The following PRKCI variants were observed in gnomAD, a reference collection of about 807,000 sequenced individuals.
The protein encoded by PRKCI is protein kinase C iota type.
A neutral mutation model predicts 84.0 loss-of-function variants in PRKCI; 43 were observed. The ratio of observed to expected loss-of-function variants is 0.51; its 90% CI spans 0.40 to 0.66. The LOEUF (loss-of-function observed/expected upper bound fraction) is 0.66. Ranked by LOEUF, PRKCI falls within the 30% of genes least tolerant of loss-of-function variation. The pLI is 0.00. For synonymous variants in PRKCI, 216 were observed against 234.4 expected (o/e 0.92, Z 0.72); for missense variants, 459 against 745.6 (o/e 0.62, Z 4.48).
At chr3:170,259,774 C>G (rs1577355125) in intron 2 of PRKCI, among the ~76,000 whole-genome samples, 195 bp from the exon 3 acceptor site, 3 of 152,048 alleles carry the variant, frequency 2.0e-5, no homozygotes, top group Admixed American at 6.6e-5. Flanking sequence ...CCACTGCACT[C>G]CAGCCTGGGT....
chr3:170,297,646 G>A (rs944346389), intron 16 of PRKCI, among the ~76,000 whole-genome samples: 6 of 150,676 alleles, frequency 4.0e-5, no homozygotes, highest in Non-Finnish European at 7.4e-5. Flanking sequence ...GAGATGGGGG[G>A]GGTTTCACAA....
chr3:170,286,311 A>G (rs575519954), intron 12 of PRKCI, among the ~76,000 whole-genome samples: 3 of 152,122 alleles, frequency 2.0e-5, no homozygotes, highest in East Asian at 3.9e-4. Flanking sequence ...TATCACTTAT[A>G]TTTGTGGTAC....
rs375072361 is a variant in PRKCI at position 170,305,653 on chromosome 3, G to A, written c.*2526G>A. ...GTGTTCTGTTTTTTGCAGTCTTTAA[G>A]TGCCATGCCAATTGTTCTTATATTC... On this transcript the variant is annotated 3_prime_UTR_variant, in exon 18 of 18. Coordinates refer to ENST00000295797, the MANE Select transcript of PRKCI (RefSeq NM_002740.6). The A allele has an allele frequency of 3.2e-4, 49 of 152,268 alleles. No homozygotes were observed. The highest frequency in any genetic ancestry group is 1.1e-3 in the African/African-American group (47 of 41,556). 9.4% of individuals were successfully genotyped at this position (152,268 alleles called of 1,614,324 possible).
intron 2 of PRKCI, among the ~76,000 whole-genome samples, chr3:170,241,006 T>C (rs953854914): frequency 6.6e-6 from 1 of 152,202 alleles, no homozygotes; most frequent in African/African-American, 2.4e-5. Context: ...GAATGACAAA[T>C]GTGACTTTAT....
At chr3:170,224,712 C>A (rs970760315) in intron 1 of PRKCI, among the ~76,000 whole-genome samples, 7 of 152,076 alleles carry the variant, frequency 4.6e-5, no homozygotes, top group African/African-American at 1.7e-4. Flanking sequence ...TTAGTAGAGA[C>A]GGGGTTTCAC....
At chr3:170,241,079 G>T (rs951882808) in intron 2 of PRKCI, among the ~76,000 whole-genome samples, 8 of 151,956 alleles carry the variant, frequency 5.3e-5, no homozygotes, top group Non-Finnish European at 2.9e-5. Context: ...GATAATAATT[G>T]TATATGTTCG....
At chr3:170,290,714 G>T (rs1331234526) in intron 12 of PRKCI, among the ~76,000 whole-genome samples, 1 of 151,682 alleles carries the variant, frequency 6.6e-6, no homozygotes, top group East Asian at 1.9e-4. Context: ...TGTATTTTGA[G>T]GCCATGTTGT....
At chr3:170,252,654 A>G (rs1307386280) in intron 2 of PRKCI, among the ~76,000 whole-genome samples, 1 of 149,760 alleles carries the variant, frequency 6.7e-6, no homozygotes, top group African/African-American at 2.5e-5. Context: ...GCTGGAGTAT[A>G]GTAGCATGAT....
At position 170,270,573 on chromosome 3, in the gene PRKCI, G is replaced by A; in HGVS notation, c.591+12G>A. On this transcript the variant is annotated intron_variant, in intron 6 of 17. Coordinates refer to ENST00000295797, the MANE Select transcript of PRKCI (RefSeq NM_002740.6). ...ATTCTTTGCCACAGGTAAGATGTCT[G>A]TCCTTTTTTTTTTTTTTTTTTTTAA... is the stretch of plus-strand genomic sequence containing the variant. 1 of 1,453,714 alleles carries A rather than the reference G, an allele frequency of 6.9e-7. No individual in the cohort carries two copies. The highest frequency in any genetic ancestry group is 9.0e-7 in the Non-Finnish European group (1 of 1,107,870). The allele number at this position is 1,453,714 out of a possible 1,614,324, so 90.1% of individuals were successfully genotyped here.
chr3:170,222,429 A>T lies in PRKCI; in HGVS notation c.-241A>T. ...CGAGCGAAGTGGGAGGGACCGACGCAGGAGGTGTCTTGGGCCCGGGCGGCT... is the reference window on the plus strand; with the variant it reads ...CGAGCGAAGTGGGAGGGACCGACGCTGGAGGTGTCTTGGGCCCGGGCGGCT... On this transcript the variant is annotated 5_prime_UTR_variant, in exon 1 of 18. Coordinates refer to ENST00000295797, the MANE Select transcript of PRKCI (RefSeq NM_002740.6). 1 of 436,502 alleles carries T rather than the reference A, an allele frequency of 2.3e-6. No homozygotes were observed. The highest frequency in any genetic ancestry group is 4.0e-6 in the Non-Finnish European group (1 of 250,222). The allele number at this position is 436,502 out of a possible 1,614,324, so 27.0% of individuals were successfully genotyped here. A position where few individuals can be genotyped will look rare whatever the true frequency, so the allele number is the denominator to read the frequency against.
chr3:170,245,949 GTT>G (rs112482352), intron 2 of PRKCI, among the ~76,000 whole-genome samples: 25 of 82,452 alleles, frequency 3.0e-4, no homozygotes, highest in South Asian at 1.2e-3. Context: ...TTATGTCTTT[GTT>G]TTTTTTTTTT....
At chr3:170,264,174 T>G (rs1733803277) in intron 4 of PRKCI, among the ~76,000 whole-genome samples, 1 of 152,208 alleles carries the variant, frequency 6.6e-6, no homozygotes, top group African/African-American at 2.4e-5. Context: ...ATTTTTTTTT[T>G]TTTGGTTATA....
At position 170,297,298 on chromosome 3, in the gene PRKCI, C is replaced by A. The variant is rs760294906; in HGVS notation, c.1498-6C>A. 4 of 1,607,572 alleles carry A rather than the reference C, an allele frequency of 2.5e-6. No individual in the cohort carries two copies. Among genetic ancestry groups the A allele is most frequent in the African/African-American group, 1.3e-5 (1 of 74,896 alleles). ...CCCAATTCTTGAAACATTTCTTTCA[C>A]CATAGGACCCTAAGGAACGATTGGG... is the stretch of plus-strand genomic sequence containing the variant. On this transcript the variant is annotated splice_region_variant and splice_polypyrimidine_tract_variant and intron_variant, in intron 15 of 17. Coordinates refer to ENST00000295797, the MANE Select transcript of PRKCI (RefSeq NM_002740.6).
At chr3:170,243,630 A>G (rs1258537870) in intron 2 of PRKCI, among the ~76,000 whole-genome samples, 1 of 152,254 alleles carries the variant, frequency 6.6e-6, no homozygotes, top group Non-Finnish European at 1.5e-5. Context: ...ACTTCATCCC[A>G]GGCACATCCT....
intron 12 of PRKCI, among the ~76,000 whole-genome samples, chr3:170,285,523 A>G (rs540212555): frequency 6.6e-6 from 1 of 152,314 alleles, no homozygotes; most frequent in South Asian, 2.1e-4. Context: ...CAGTATGTAA[A>G]TGTGTGAATT....
rs1164558204 is a variant in PRKCI at position 170,304,131 on chromosome 3, TC to T, written c.*1007del. On this transcript the variant is annotated 3_prime_UTR_variant, in exon 18 of 18. Coordinates refer to ENST00000295797, the MANE Select transcript of PRKCI (RefSeq NM_002740.6). ...ATTAACAGGGTAGCTCCTGAGCCTTTCCCTTTATTGGAAACTTTAACTGCAG... is the reference window on the plus strand; with the variant it reads ...ATTAACAGGGTAGCTCCTGAGCCTTTCCTTTATTGGAAACTTTAACTGCAG... 1 of 152,220 alleles carries T rather than the reference TC, an allele frequency of 6.6e-6. No individual in the cohort carries two copies. Among genetic ancestry groups the T allele is most frequent in the East Asian group, 1.9e-4 (1 of 5,198 alleles). The allele number at this position is 152,220 out of a possible 1,614,324, so 9.4% of individuals were successfully genotyped here.
At chr3:170,257,621 G>A (rs1180796392) in intron 2 of PRKCI, among the ~76,000 whole-genome samples, 2 of 151,284 alleles carry the variant, frequency 1.3e-5, no homozygotes, top group Non-Finnish European at 2.9e-5. Context: ...GAGATTTGTG[G>A]CTACTGAATG....
intron 1 of PRKCI, among the ~76,000 whole-genome samples, chr3:170,232,450 C>T (rs1007935742): frequency 6.6e-6 from 1 of 152,042 alleles, no homozygotes; most frequent in Non-Finnish European, 1.5e-5. Context: ...ACTGCAGCCT[C>T]AACTTCCTGG....
At chr3:170,247,636 A>G (rs538863728) in intron 2 of PRKCI, among the ~76,000 whole-genome samples, 1 of 149,898 alleles carries the variant, frequency 6.7e-6, no homozygotes, top group South Asian at 2.1e-4. Flanking sequence ...AGGCTGAGGC[A>G]GAAGAATCAC....
Sources: allele counts gnomAD v4.1 joint callset (sites outside exome capture counted in the v4.1 genomes callset), GRCh38; gene constraint gnomAD v4.1.1; transcripts MANE v1.5; gene names NCBI Gene and HGNC (gene_info 2026-07-23, HGNC 2026-07-21).